The following SKI variants were observed in gnomAD, a reference collection of about 807,000 sequenced individuals.
SKI encodes SKI proto-oncogene, also known as ski oncogene.
In SKI, 23 loss-of-function variants were observed where a neutral mutation model predicts 59.3. That is an observed-to-expected ratio of 0.39 (90% confidence interval 0.28 to 0.55). The LOEUF (loss-of-function observed/expected upper bound fraction) is 0.55. Among genes scored for constraint, SKI ranks in the 20% least tolerant of loss-of-function variants. The pLI is 0.67. For missense variants in SKI, 1,017 were observed against 1,038.9 expected, an observed-to-expected ratio of 0.98 and a Z score of 0.29; for synonymous variants, 673 against 488.6, an observed-to-expected ratio of 1.38 and a Z score of -4.98.
rs1198073626 is a variant in SKI, at chr1:2,228,582, T to C, written c.-185T>C. The C allele has an allele frequency of 6.8e-6, 1 of 146,010 alleles. No homozygotes were observed. The highest frequency in any genetic ancestry group is 2.6e-5 in the African/African-American group (1 of 38,310). 9.0% of individuals were successfully genotyped at this position (146,010 alleles called of 1,614,324 possible). On this transcript the variant is annotated 5_prime_UTR_variant, in exon 1 of 7. Transcript: ENST00000378536. Reference sequence around the variant, plus strand: ...GGCGGGCTCCAGCGGCGGGACCCCTTCGCCCCGCCCGCCTTCCCCTTCGCG... The same window carrying C: ...GGCGGGCTCCAGCGGCGGGACCCCTCCGCCCCGCCCGCCTTCCCCTTCGCG...
chr1:2,260,685 C>T (rs1639370642), intron 1 of SKI, among the ~76,000 whole-genome samples: 1 of 151,754 alleles, frequency 6.6e-6, no homozygotes, highest in African/African-American at 2.4e-5. Context: ...AGACTACAGG[C>T]ACATGCCACC....
At chr1:2,253,377 G>A (rs1639204084) in intron 1 of SKI, among the ~76,000 whole-genome samples, 1 of 152,198 alleles carries the variant, frequency 6.6e-6, no homozygotes, top group African/African-American at 2.4e-5. Flanking sequence ...CAGACTTTAG[G>A]TGTCTGGAGT....
chr1:2,239,844 G>A lies in SKI; in HGVS notation c.969+10109G>A, dbSNP rs960049048. Among the ~76,000 whole-genome samples, 3 of 152,354 alleles carry A rather than the reference G, an allele frequency of 2.0e-5. No individual in the cohort carries two copies. The East Asian group carries it at 5.8e-4, about 29-fold the overall frequency. ...CGTCCCAGTGTGCCTGGGCAGTGGCGCAGCTGGCTCCTTCCACTGGGTTTA... is the reference window on the plus strand; with the variant it reads ...CGTCCCAGTGTGCCTGGGCAGTGGCACAGCTGGCTCCTTCCACTGGGTTTA... On this transcript the variant is annotated intron_variant, in intron 1 of 6. Transcript: ENST00000378536.
rs896494795 is a variant in SKI at position 2,307,098 on chromosome 1, A to G, written c.*333A>G. On this transcript the variant is annotated 3_prime_UTR_variant, in exon 7 of 7. Transcript: ENST00000378536. ...CCAGTAAGGAGACTTGAAATTCAGA[A>G]AATCAACACATTTTTAAATGACTAA... 4 of 175,938 alleles carry G rather than the reference A, an allele frequency of 2.3e-5. No individual in the cohort carries two copies. Among genetic ancestry groups the G allele is most frequent in the African/African-American group, 7.1e-5 (3 of 42,012 alleles). The allele number at this position is 175,938 out of a possible 1,614,324, so 10.9% of individuals were successfully genotyped here.
intron 6 of SKI, 85 bp downstream of exon 6, chr1:2,306,335 A>G: frequency 7.8e-7 from 1 of 1,287,324 alleles, no homozygotes; most frequent in South Asian, 1.5e-5. Flanking sequence ...CCCAGCCGGA[A>G]AGGCCTTGGA....
intron 1 of SKI, among the ~76,000 whole-genome samples, chr1:2,297,795 G>A (rs1315095731): frequency 3.9e-5 from 6 of 152,252 alleles, no homozygotes; most frequent in Admixed American, 3.9e-4. Flanking sequence ...GCTGAGGAGA[G>A]GAGGCGTGGG....
In SKI at chr1:2,308,445, T is replaced by C. The variant is rs1184726630; in HGVS notation, c.*1680T>C. The stretch of plus-strand genomic sequence containing the variant: ...TATATGCAGCGTTTGTTTGGAATTT[T>C]CTTTGCTTTTGTTTTCTTTGCGGTT... On this transcript the variant is annotated 3_prime_UTR_variant, in exon 7 of 7. Transcript: ENST00000378536. The C allele has an allele frequency of 6.6e-6, 1 of 152,276 alleles. No individual in the cohort carries two copies. Among genetic ancestry groups the C allele is most frequent in the Admixed American group, 6.5e-5 (1 of 15,290 alleles). The allele number at this position is 152,276 out of a possible 1,614,324, so 9.4% of individuals were successfully genotyped here.
At chr1:2,258,738 A>G (rs1639324677) in intron 1 of SKI, among the ~76,000 whole-genome samples, 1 of 152,056 alleles carries the variant, frequency 6.6e-6, no homozygotes, top group East Asian at 1.9e-4. Flanking sequence ...AATTTTTAGT[A>G]GAGACGGGGT....
chr1:2,289,644 C>T (rs1162199264), intron 1 of SKI, among the ~76,000 whole-genome samples: 1 of 143,154 alleles, frequency 7.0e-6, no homozygotes, highest in Non-Finnish European at 1.5e-5. Context: ...CAGCACAGGT[C>T]GTGCTCCCGG....
intron 5 of SKI, 130 bp from the exon 6 acceptor site, chr1:2,305,890 G>C (rs1458451119): frequency 5.2e-6 from 4 of 774,400 alleles, no homozygotes; most frequent in South Asian, 3.0e-5. Flanking sequence ...CTGATGGCGC[G>C]CTGGGGGCGG....
At chr1:2,263,720 G>A (rs1639437067) in intron 1 of SKI, among the ~76,000 whole-genome samples, 1 of 151,704 alleles carries the variant, frequency 6.6e-6, no homozygotes, top group South Asian at 2.1e-4. Flanking sequence ...GGGGGGACTG[G>A]GCGCGGTGGC....
At chr1:2,260,812 T>G (rs996361162) in intron 1 of SKI, among the ~76,000 whole-genome samples, 5 of 152,206 alleles carry the variant, frequency 3.3e-5, no homozygotes, top group African/African-American at 1.2e-4. Context: ...GTGCTGAGAT[T>G]ACAGGTGTGA....
At chr1:2,289,261 C>G (rs993564491) in intron 1 of SKI, among the ~76,000 whole-genome samples, 1 of 152,198 alleles carries the variant, frequency 6.6e-6, no homozygotes, top group African/African-American at 2.4e-5. Flanking sequence ...TGCCTCCTCT[C>G]TGTCAGGACT....
rs186753945 is a variant in SKI at position 2,229,788 on chromosome 1, C to A, written c.969+53C>A. 6.5e-6 allele frequency: 10 copies of A among 1,549,222 alleles called. No individual in the cohort carries two copies. Among genetic ancestry groups the A allele is most frequent in the Middle Eastern group, 3.3e-4 (2 of 6,004 alleles). ...GGAGGATGCGCTTGGGGTGGGGGCC[C>A]CTTCTGGACTACAGGCTCTGGTCTC... On this transcript the variant is annotated intron_variant, in intron 1 of 6. Coordinates refer to ENST00000378536, the MANE Select transcript of SKI (RefSeq NM_003036.4). The surrounding 1 kb of genome is among the most constrained non-coding windows in gnomAD (Gnocchi z 6.3).
intron 1 of SKI, among the ~76,000 whole-genome samples, chr1:2,302,422 C>T (rs1279612214): frequency 2.0e-5 from 3 of 152,190 alleles, no homozygotes; most frequent in Admixed American, 6.5e-5. Context: ...TTTAATGCAC[C>T]TGTGCCAGTG....
At position 2,306,918 on chromosome 1, in the gene SKI, T is replaced by G. The variant is rs1640604998; in HGVS notation, c.*153T>G. ...AGCGAGTGTTTGTAACCATGTAGTT[T>G]TGGAACCCACTGCAAAATTTTCTAC... On this transcript the variant is annotated 3_prime_UTR_variant, in exon 7 of 7. Coordinates refer to ENST00000378536, the MANE Select transcript of SKI (RefSeq NM_003036.4). The G allele has an allele frequency of 1.2e-5, 6 of 513,952 alleles. No individual in the cohort carries two copies. The South Asian group carries it at 2.7e-4, about 23-fold the overall frequency. The allele number at this position is 513,952 out of a possible 1,614,324, so 31.8% of individuals were successfully genotyped here. A position where few individuals can be genotyped will look rare whatever the true frequency, so the allele number is the denominator to read the frequency against.
chr1:2,265,207 G>A (rs1291123783), intron 1 of SKI, among the ~76,000 whole-genome samples: 2 of 152,216 alleles, frequency 1.3e-5, no homozygotes, highest in Non-Finnish European at 2.9e-5. Context: ...ACGTTGTGTA[G>A]TTTTTGTCAG....
At chr1:2,287,410 C>T (rs1640061955) in intron 1 of SKI, among the ~76,000 whole-genome samples, 1 of 150,236 alleles carries the variant, frequency 6.7e-6, no homozygotes, top group Admixed American at 6.6e-5. Context: ...GATCTCGGCT[C>T]ACTGCAAGCT....
At chr1:2,253,803 C>A (rs991628373) in intron 1 of SKI, among the ~76,000 whole-genome samples, 4 of 152,162 alleles carry the variant, frequency 2.6e-5, no homozygotes, top group Non-Finnish European at 4.4e-5. Flanking sequence ...TTGTGCCCCC[C>A]CTACCAGGGC....
Sources: allele counts gnomAD v4.1 joint callset (sites outside exome capture counted in the v4.1 genomes callset), GRCh38; gene constraint gnomAD v4.1.1; non-coding constraint Gnocchi (gnomAD v3.1); transcripts MANE v1.5; gene names NCBI Gene and HGNC (gene_info 2026-07-23, HGNC 2026-07-21).